The following CCDC40 variants were observed in gnomAD, a reference collection of about 807,000 sequenced individuals.
The protein encoded by CCDC40 is coiled-coil domain-containing protein 40.
Under a neutral mutation model 124.5 loss-of-function variants are expected in CCDC40, and 104 were observed. That is an observed-to-expected ratio of 0.84 (90% CI 0.71 to 0.98). CCDC40 has a LOEUF of 0.98. Among genes scored for constraint, CCDC40 ranks in the 50% least tolerant of loss-of-function variants. The probability of loss-of-function intolerance (pLI) is 0.00; values close to 1 mark genes in which losing one functional copy is unlikely to be tolerated. For synonymous variants in CCDC40, 580 were observed against 602.9 expected, an observed-to-expected ratio of 0.96 and a Z score of 0.56; for missense variants, 1,463 against 1,503.9, an observed-to-expected ratio of 0.97 and a Z score of 0.45.
chr17:80,049,889 G>C lies in CCDC40; in HGVS notation c.856-17G>C. Reference sequence around the variant, plus strand: ...GTAACCAGAAAGGTAACCACCTGTGGTTTTCCATTGTTCTAGCCCCTGATG... The same window carrying C: ...GTAACCAGAAAGGTAACCACCTGTGCTTTTCCATTGTTCTAGCCCCTGATG... On this transcript the variant is annotated splice_polypyrimidine_tract_variant and intron_variant, in intron 5 of 19. Coordinates refer to ENST00000397545, the MANE Select transcript of CCDC40 (RefSeq NM_017950.4). The C allele has an allele frequency of 6.2e-7, 1 of 1,612,440 alleles. No homozygotes were observed. Among genetic ancestry groups the C allele is most frequent in the Non-Finnish European group, 8.5e-7 (1 of 1,178,528 alleles).
chr17:80,055,686 C>T (rs1010561397), intron 7 of CCDC40, among the ~76,000 whole-genome samples: 3 of 151,974 alleles, frequency 2.0e-5, no homozygotes, highest in Non-Finnish European at 4.4e-5. Flanking sequence ...TAATTATTTA[C>T]TTATTTTGGA....
Position 80,058,443 on chromosome 17 carries a change from A to C in CCDC40, c.1160-51A>C. ...GGGTCTCTGCATGGGGGACGCTGGG[A>C]CAGCCTCCCCACTCACTCTCTCTCT... On this transcript the variant is annotated intron_variant, in intron 7 of 19. Transcript: ENST00000397545. This position sits in a 1 kb window ranked among gnomAD's most constrained non-coding sequence, Gnocchi z 4.2. 6.4e-7 allele frequency: 1 copy of C among 1,566,666 alleles called. No homozygotes were observed. The highest frequency in any genetic ancestry group is 8.8e-7 in the Non-Finnish European group (1 of 1,140,864).
chr17:80,093,169 C>A (rs932875873), intron 17 of CCDC40, among the ~76,000 whole-genome samples: 6 of 152,162 alleles, frequency 3.9e-5, no homozygotes, highest in African/African-American at 9.7e-5. Context: ...TCTATACTTA[C>A]GAAATTCCTC....
intron 9 of CCDC40, among the ~76,000 whole-genome samples, chr17:80,064,989 C>A (rs956555530): frequency 6.6e-6 from 1 of 151,844 alleles, no homozygotes; most frequent in African/African-American, 2.4e-5. Context: ...TTCACGGATG[C>A]TGGCCAGGAT....
At chr17:80,036,747 C>G in intron 1 of CCDC40, 56 bp downstream of exon 1, 3 of 1,452,222 alleles carry the variant, frequency 2.1e-6, no homozygotes, top group Non-Finnish European at 2.7e-6. Context: ...GCTCTCCGTT[C>G]ACCGCTCCAG....
Position 80,086,212 on chromosome 17 carries a change from A to G in CCDC40, c.2445A>G (p.Val815=), listed in dbSNP as rs1156815294. The G allele has an allele frequency of 3.1e-6, 5 of 1,600,320 alleles. No individual in the cohort carries two copies. The highest frequency in any genetic ancestry group is 4.3e-6 in the Non-Finnish European group (5 of 1,173,804). Residue 815 remains valine, a synonymous_variant, in exon 14 of 20, where the codon GTA becomes GTG. Transcript: ENST00000397545. This position sits in a 1 kb window ranked among gnomAD's most constrained non-coding sequence, Gnocchi z 5.5. ...LHIMEQKKLR[V]ESKIEQEKKE... is the part of the protein sequence containing the mutation. The stretch of plus-strand genomic sequence containing the variant: ...TCATGGAGCAGAAGAAACTACGAGT[A>G]GAAAGTAAGAGCCGCCGTGCCCGGC...
chr17:80,080,485 A>C (rs367641084), intron 10 of CCDC40, among the ~76,000 whole-genome samples: 4 of 152,230 alleles, frequency 2.6e-5, no homozygotes, highest in African/African-American at 9.6e-5. Flanking sequence ...TCATCGCAGC[A>C]TGCCGAGGGG....
At chr17:80,072,864 A>T (rs2038225110) in intron 10 of CCDC40, among the ~76,000 whole-genome samples, 1 of 152,184 alleles carries the variant, frequency 6.6e-6, no homozygotes, top group African/African-American at 2.4e-5. Flanking sequence ...TACCGTGAAG[A>T]AAGCTGCTGT....
chr17:80,084,986 G>A lies in CCDC40; in HGVS notation c.2233G>A (p.Gly745Arg). The stretch of plus-strand genomic sequence containing the variant: ...GCTGGAGCGGATGGTCTCCGAGCTG[G>A]GGGTGAGGTCCCAGGCAGGGAGACG... Reference protein sequence around the residue: ...KQLERMVSELGGEEVGPLELE... With the variant: ...KQLERMVSELRGEEVGPLELE... Residue 745 changes from glycine to arginine, a missense_variant and splice_region_variant, in exon 13 of 20, where the codon GGG becomes AGG. Transcript: ENST00000397545. 1.9e-6 allele frequency: 3 copies of A among 1,613,510 alleles called. No individual in the cohort carries two copies. Among genetic ancestry groups the A allele is most frequent in the Non-Finnish European group, 1.7e-6 (2 of 1,180,002 alleles).
Position 80,065,494 on chromosome 17 carries a change from G to C in CCDC40, c.1450G>C (p.Glu484Gln). The C allele has an allele frequency of 5.0e-6, 8 of 1,613,072 alleles. No individual in the cohort carries two copies. The highest frequency in any genetic ancestry group is 6.8e-6 in the Non-Finnish European group (8 of 1,179,966). ...LRKAVSEACT[E>Q]IDAISVEKRR... ...CCCCTGTTGGCTGCAGGCCTGCACC[G>C]AGATCGACGCCATCAGCGTGGAGAA... Residue 484 changes from glutamate (E) to glutamine (Q), a missense_variant, in exon 10 of 20, where the codon GAG becomes CAG. By Grantham distance (29) the Glu-to-Gln change is conservative. Transcript: ENST00000397545.
At chr17:80,048,119 C>T (rs976014310) in intron 4 of CCDC40, among the ~76,000 whole-genome samples, 6 of 152,084 alleles carry the variant, frequency 3.9e-5, no homozygotes, top group Admixed American at 6.6e-5. Context: ...AATTACCGGG[C>T]GTGGTGGCGG....
chr17:80,063,177 G>A (rs1216200606), intron 9 of CCDC40, among the ~76,000 whole-genome samples: 2 of 150,760 alleles, frequency 1.3e-5, no homozygotes, highest in South Asian at 2.1e-4. Context: ...CCTGGGTGAC[G>A]AGAGTAAAAG....
In CCDC40 at chr17:80,099,856, T is replaced by G; in HGVS notation, c.*81T>G. The G allele has an allele frequency of 6.5e-7, 1 of 1,530,098 alleles. No homozygotes were observed. Among genetic ancestry groups the G allele is most frequent in the East Asian group, 2.3e-5 (1 of 43,794 alleles). The allele number at this position is 1,530,098 out of a possible 1,614,324, so 94.8% of individuals were successfully genotyped here. ...TTGTCATGAGGGACTTGGAATCTTT[T>G]GTGTTCCTAAAAACCACATGTACCC... On this transcript the variant is annotated 3_prime_UTR_variant, in exon 20 of 20. Transcript: ENST00000397545.
chr17:80,082,127 C>G, intron 12 of CCDC40, 69 bp downstream of exon 12: 19 of 1,444,874 alleles, frequency 1.3e-5, no homozygotes, highest in Non-Finnish European at 1.8e-5. Flanking sequence ...GGCAAGCCGT[C>G]CTGGAGGCGG....
rs1568709715 is a variant in CCDC40 at position 80,084,896 on chromosome 17, G to A, written c.2143G>A (p.Glu715Lys). The change falls in exon 13 of 20, where the codon GAG (glutamate) becomes AAG (lysine). Residue 715 changes from glutamate to lysine, a missense_variant. Transcript: ENST00000397545. ...CGAGCTCATCACCAACAGCCAGAGCGAGATCTCCCGGCGCACGATCCTGAT... is the reference window on the plus strand; with the variant it reads ...CGAGCTCATCACCAACAGCCAGAGCAAGATCTCCCGGCGCACGATCCTGAT... ...VNELITNSQS[E>K]ISRRTILIER... The A allele has an allele frequency of 2.5e-6, 4 of 1,614,122 alleles. No homozygotes were observed. In the South Asian group the frequency reaches 3.3e-5, roughly 13 times the overall value.
At chr17:80,067,658 A>C (rs2038081767) in intron 10 of CCDC40, 3 of 1,535,948 alleles carry the variant, frequency 2.0e-6, no homozygotes. Context: ...GTGCTGCTGT[A>C]GATAACCGGA....
Position 80,089,805 on chromosome 17 carries a change from A to T in CCDC40, c.2753A>T (p.Lys918Ile). ...MLWEKKIQLA[K>I]EMRSSVDSEI... ...TGGGAGAAAAAAATCCAACTGGCAA[A>T]AGAGATGCGTTCCTCAGTGGATTCC... The change falls in exon 17 of 20, where the codon AAA (lysine) becomes ATA (isoleucine). Residue 918 changes from lysine (K) to isoleucine (I), a missense_variant. Physicochemically the swap from Lys to Ile is moderately radical, Grantham distance 102. Coordinates refer to ENST00000397545, the MANE Select transcript of CCDC40 (RefSeq NM_017950.4). The T allele has an allele frequency of 6.2e-7, 1 of 1,614,244 alleles. No individual in the cohort carries two copies. The highest frequency in any genetic ancestry group is 8.5e-7 in the Non-Finnish European group (1 of 1,180,040).
At chr17:80,064,230 C>T (rs780992544) in intron 9 of CCDC40, among the ~76,000 whole-genome samples, 5 of 152,220 alleles carry the variant, frequency 3.3e-5, no homozygotes, top group Non-Finnish European at 5.9e-5. Flanking sequence ...CCCGGCGCTG[C>T]CCTCGGCTCC....
At chr17:80,054,149 TAAAC>T (rs1012460747) in intron 7 of CCDC40, among the ~76,000 whole-genome samples, 1 of 146,220 alleles carries the variant, frequency 6.8e-6, no homozygotes, top group Non-Finnish European at 1.5e-5. Flanking sequence ...ACTTGATAAA[TAAAC>T]TGCTTTTTTT....
Sources: allele counts gnomAD v4.1 joint callset (sites outside exome capture counted in the v4.1 genomes callset), GRCh38; gene constraint gnomAD v4.1.1; non-coding constraint Gnocchi (gnomAD v3.1); transcripts MANE v1.5; gene names NCBI Gene and HGNC (gene_info 2026-07-23, HGNC 2026-07-21).